Variants in XYLB observed in about 807,000 individuals in gnomAD.
XYLB encodes the protein xylulose kinase.
A neutral mutation model predicts 78.7 loss-of-function variants in XYLB; 62 were observed. The ratio of observed to expected loss-of-function variants is 0.79; its 90% confidence interval spans 0.64 to 0.97. The LOEUF is 0.97. Among genes scored for constraint, XYLB ranks in the 50% least tolerant of loss-of-function variants. The pLI, the probability that XYLB is intolerant of heterozygous loss-of-function variation, is 0.00. For missense variants in XYLB, 687 were observed against 676.8 expected, an observed-to-expected ratio of 1.02 and a Z score of -0.17; for synonymous variants, 245 against 247.4, an observed-to-expected ratio of 0.99 and a Z score of 0.09.
chr3:38,368,106 G>A (rs889449312), intron 7 of XYLB, 79 bp from the exon 8 acceptor site: 28 of 1,394,638 alleles, frequency 2.0e-5, no homozygotes, highest in South Asian at 3.6e-5. Flanking sequence ...TTTTTTTCAT[G>A]CTTTGTGTGT....
chr3:38,423,045 C>G (rs965532190), downstream of XYLB, among the ~76,000 whole-genome samples: 25 of 152,056 alleles, frequency 1.6e-4, 1 homozygote, highest in African/African-American at 2.4e-5. Context: ...TAACGTTTCC[C>G]CCCTGGAATT....
At chr3:38,400,863 C>T (rs1241104543) in intron 17 of XYLB, 28 bp from the exon 18 acceptor site, 1 of 1,598,444 alleles carries the variant, frequency 6.3e-7, no homozygotes, top group Non-Finnish European at 8.6e-7. Context: ...GCAACATGCA[C>T]TAATGTGAAG....
intron 18 of XYLB, among the ~76,000 whole-genome samples, chr3:38,408,165 A>G (rs9798893): frequency 0.4 from 58,290 of 146,456 alleles, 12,195 homozygotes; most frequent in Non-Finnish European, 0.53. Flanking sequence ...GTAAAAGAAC[A>G]GAAATTATAA....
intron 18 of XYLB, among the ~76,000 whole-genome samples, chr3:38,408,157 A>G (rs1211319641): frequency 1.1e-4 from 16 of 151,770 alleles, no homozygotes; most frequent in Non-Finnish European, 2.2e-4. Context: ...CAGCAAACGT[A>G]AAAGAACAGA....
chr3:38,377,110 T>G (rs1327977539), intron 14 of XYLB, 119 bp downstream of exon 14: 2 of 892,944 alleles, frequency 2.2e-6, no homozygotes, highest in Admixed American at 4.2e-5. Context: ...TCCATTAATA[T>G]CATACACACT....
intron 3 of XYLB, among the ~76,000 whole-genome samples, 162 bp downstream of exon 3, chr3:38,360,570 G>A (rs1272432186): frequency 6.6e-6 from 1 of 152,212 alleles, no homozygotes; most frequent in Non-Finnish European, 1.5e-5. Context: ...ATCAGGCTCA[G>A]CCTCAGCTGG....
At chr3:38,415,024 T>C (rs1488110423), downstream of XYLB, 3 of 152,204 alleles carry the variant, frequency 2.0e-5, no homozygotes, top group African/African-American at 7.2e-5. Flanking sequence ...TCTATCTTGT[T>C]ACTTAGAATA....
chr3:38,375,192 A>T lies in XYLB; in HGVS notation c.937A>T (p.Met313Leu). Residue 313 changes from methionine (M) to leucine (L), a missense_variant, in exon 12 of 19, where the codon ATG (methionine) becomes TTG (leucine). By Grantham distance (15) the Met-to-Leu change is conservative (BLOSUM62 2). Transcript: ENST00000207870. ...CCTGTTTCTCTGGCTCCAAGAGCCC[A>T]TGCCTGCCCTGGAAGGCCACATCTT... ...DTLFLWLQEPMPALEGHIFCN... is the reference protein window; with the variant it reads ...DTLFLWLQEPLPALEGHIFCN... 1 of 1,614,184 alleles carries T rather than the reference A, an allele frequency of 6.2e-7. No homozygotes were observed. Among genetic ancestry groups the T allele is most frequent in the Non-Finnish European group, 8.5e-7 (1 of 1,180,022 alleles).
downstream of XYLB, among the ~76,000 whole-genome samples, chr3:38,423,048 C>T (rs1454459938): frequency 6.6e-6 from 1 of 152,132 alleles, no homozygotes. Context: ...CGTTTCCCCC[C>T]TGGAATTCTC....
At chr3:38,431,884 C>CTGCCCA in the XYLB span, among the ~76,000 whole-genome samples, 1 of 152,140 alleles carries the variant, frequency 6.6e-6, no homozygotes, top group African/African-American at 2.4e-5. Context: ...CATGGGGAAA[C>CTGCCCA]TGCCCCCATG....
chr3:38,368,164 C>A, intron 7 of XYLB, 21 bp from the exon 8 acceptor site: 1 of 1,612,574 alleles, frequency 6.2e-7, no homozygotes, highest in South Asian at 1.1e-5. Context: ...AGGCACCTCT[C>A]ACTGTTTCTT....
intron 18 of XYLB, among the ~76,000 whole-genome samples, chr3:38,406,758 C>T (rs1223519106): frequency 1.3e-5 from 2 of 152,070 alleles, no homozygotes; most frequent in African/African-American, 4.8e-5. Flanking sequence ...GGAGCCGATG[C>T]GATCAGCTGG....
At chr3:38,358,618 A>G (rs571929831) in intron 2 of XYLB, among the ~76,000 whole-genome samples, 112 of 152,134 alleles carry the variant, frequency 7.4e-4, no homozygotes, top group Non-Finnish European at 1.2e-3. Context: ...CACTGGGATT[A>G]TAGGTATGAG....
Position 38,348,641 on chromosome 3 carries a change from T to C in XYLB, c.140+9T>C, listed in dbSNP as rs746344671. 6.2e-7 allele frequency: 1 copy of C among 1,613,908 alleles called. No homozygotes were observed. The highest frequency in any genetic ancestry group is 8.5e-7 in the Non-Finnish European group (1 of 1,179,734). On this transcript the variant is annotated intron_variant, in intron 2 of 18. Transcript: ENST00000207870. ...GATCTTCCAGAATTTGGGTATGTAC[T>C]TGATGTGCATGTGTGTGTGATGGGG...
downstream of XYLB, among the ~76,000 whole-genome samples, chr3:38,417,046 C>CA (rs1446504352): frequency 3.3e-5 from 5 of 152,128 alleles, no homozygotes; most frequent in Admixed American, 6.5e-5. Flanking sequence ...GTTAAGGAGA[C>CA]AAAAAATACA....
intron 18 of XYLB, 121 bp downstream of exon 18, chr3:38,401,106 C>A: frequency 1.2e-6 from 1 of 836,050 alleles, no homozygotes; most frequent in Non-Finnish European, 1.9e-6. Context: ...AGAAATTCTG[C>A]TTTATTGAAA....
chr3:38,422,136 G>T (rs1020195724), downstream of XYLB, among the ~76,000 whole-genome samples: 1 of 152,206 alleles, frequency 6.6e-6, no homozygotes, highest in South Asian at 2.1e-4. Flanking sequence ...AAAGAATGTT[G>T]CTGTCTCCAG....
intron 6 of XYLB, among the ~76,000 whole-genome samples, chr3:38,366,236 G>A (rs779093517): frequency 9.2e-5 from 14 of 152,178 alleles, no homozygotes; most frequent in Non-Finnish European, 1.9e-4. Context: ...AAGTTTTGGG[G>A]ATAGGGCCAA....
chr3:38,376,736 C>T (rs1706875865), intron 13 of XYLB, among the ~76,000 whole-genome samples, 182 bp from the exon 14 acceptor site: 1 of 152,214 alleles, frequency 6.6e-6, no homozygotes, highest in South Asian at 2.1e-4. Flanking sequence ...TCAGGGCTCC[C>T]TGGTTCCCTT....
Sources: allele counts gnomAD v4.1 joint callset (sites outside exome capture counted in the v4.1 genomes callset), GRCh38; gene constraint gnomAD v4.1.1; transcripts MANE v1.5; gene names NCBI Gene and HGNC (gene_info 2026-07-23, HGNC 2026-07-21).